The following CUL5 variants were observed in gnomAD, a reference collection of about 807,000 sequenced individuals.
CUL5 encodes the protein cullin-5.
Under a neutral mutation model 108.8 loss-of-function variants are expected in CUL5, and 26 were observed. The ratio of observed to expected loss-of-function variants is 0.24; its 90% CI spans 0.18 to 0.33. The LOEUF (loss-of-function observed/expected upper bound fraction) is 0.33. Among genes scored for constraint, CUL5 ranks in the 10% least tolerant of loss-of-function variants. The pLI, the probability that CUL5 is intolerant of heterozygous loss-of-function variation, is 1.00. For synonymous variants in CUL5, 334 were observed against 298.0 expected (o/e 1.12, Z -1.25); for missense variants, 524 against 909.2 (o/e 0.58, Z 5.45).
In CUL5 at chr11:108,073,422, A is replaced by G. The variant is rs1274038425; in HGVS notation, c.1038A>G (p.Thr346=). ...DSEKYVEQLL[T]LFNRFSKLVK... The stretch of plus-strand genomic sequence containing the variant: ...AGAAATACGTTGAGCAGTTACTTAC[A>G]CTATTTAATAGATTTAGTAAACTCG... Residue 346 remains threonine (T), a synonymous_variant, in exon 10 of 19, where the codon ACA becomes ACG. Coordinates refer to ENST00000393094, the MANE Select transcript of CUL5 (RefSeq NM_003478.6). 17 of 1,585,416 alleles carry G rather than the reference A, an allele frequency of 1.1e-5. No individual in the cohort carries two copies. The highest frequency in any genetic ancestry group is 1.5e-5 in the Non-Finnish European group (17 of 1,163,946).
At chr11:108,043,293 C>T (rs936091804) in intron 2 of CUL5, among the ~76,000 whole-genome samples, 5 of 152,138 alleles carry the variant, frequency 3.3e-5, no homozygotes, top group Non-Finnish European at 7.3e-5. Context: ...AGGCTAATCT[C>T]GAACTTCTGG....
chr11:108,042,982 C>A (rs529937299), intron 2 of CUL5, among the ~76,000 whole-genome samples: 1 of 152,120 alleles, frequency 6.6e-6, no homozygotes, highest in East Asian at 1.9e-4. Context: ...AGGTTGGTTG[C>A]GAACTCCTGG....
At chr11:108,015,844 TTAGAG>T (rs1385691591) in intron 1 of CUL5, among the ~76,000 whole-genome samples, 10 of 152,122 alleles carry the variant, frequency 6.6e-5, no homozygotes, top group Non-Finnish European at 1.5e-5. Context: ...TTTCAGTAGA[TTAGAG>T]GAGGGGAATT....
chr11:108,048,684 T>G (rs561066485), intron 3 of CUL5, among the ~76,000 whole-genome samples: 1 of 90,152 alleles, frequency 1.1e-5, no homozygotes, highest in South Asian at 3.9e-4. Flanking sequence ...TTTTTTTTTT[T>G]GAGGTGGATT....
intron 1 of CUL5, among the ~76,000 whole-genome samples, chr11:108,032,038 A>G (rs1383718993): frequency 6.6e-6 from 1 of 152,156 alleles, no homozygotes; most frequent in Non-Finnish European, 1.5e-5. Flanking sequence ...GGGTGGGAGG[A>G]GGGAGAGGAT....
At chr11:108,068,813 C>G (rs1368025453) in intron 7 of CUL5, among the ~76,000 whole-genome samples, 3 of 152,318 alleles carry the variant, frequency 2.0e-5, no homozygotes, top group East Asian at 1.9e-4. Flanking sequence ...TCCTAGAGCA[C>G]TAGACCCTTG....
rs1418426981 is a variant in CUL5 at position 108,106,197 on chromosome 11, T to G, written c.*1813T>G. 6.6e-6 allele frequency: 1 copy of G among 152,606 alleles called. No individual in the cohort carries two copies. Among genetic ancestry groups the G allele is most frequent in the Non-Finnish European group, 1.5e-5 (1 of 68,000 alleles). 9.5% of individuals were successfully genotyped at this position (152,606 alleles called of 1,614,324 possible). Reference sequence around the variant, plus strand: ...AATTTTGTAGTAATTGTGGCCCTTATGTTTAACAGATAATTCAGCATTGGC... The same window carrying G: ...AATTTTGTAGTAATTGTGGCCCTTAGGTTTAACAGATAATTCAGCATTGGC... On this transcript the variant is annotated 3_prime_UTR_variant, in exon 19 of 19. Transcript: ENST00000393094.
intron 2 of CUL5, among the ~76,000 whole-genome samples, chr11:108,039,124 A>T (rs1412889705): frequency 6.6e-6 from 1 of 151,924 alleles, no homozygotes; most frequent in Non-Finnish European, 1.5e-5. Flanking sequence ...AGGTTCAAGC[A>T]ATTCTCTTGC....
intron 8 of CUL5, among the ~76,000 whole-genome samples, chr11:108,071,059 T>G (rs574073044): frequency 2.4e-4 from 37 of 152,336 alleles, no homozygotes; most frequent in African/African-American, 7.0e-4. Flanking sequence ...TAAAATGGCA[T>G]AACATGAAAA....
At chr11:108,086,588 A>C (rs1446476162) in intron 11 of CUL5, among the ~76,000 whole-genome samples, 2 of 152,228 alleles carry the variant, frequency 1.3e-5, no homozygotes, top group Non-Finnish European at 2.9e-5. Flanking sequence ...AAGGGAATAC[A>C]GAAAGACTTC....
chr11:108,018,142 T>C (rs1412691592), intron 1 of CUL5, among the ~76,000 whole-genome samples: 1 of 152,118 alleles, frequency 6.6e-6, no homozygotes, highest in African/African-American at 2.4e-5. Flanking sequence ...TTAGGTTGGT[T>C]TGGGAGGCCT....
intron 3 of CUL5, among the ~76,000 whole-genome samples, chr11:108,049,301 G>A (rs1863151665): frequency 6.6e-6 from 1 of 150,882 alleles, no homozygotes; most frequent in Non-Finnish European, 1.5e-5. Flanking sequence ...CTATTGTTTG[G>A]ATATACCATA....
Position 108,054,761 on chromosome 11 carries a change from A to T in CUL5, c.668A>T (p.Gln223Leu), listed in dbSNP as rs749782953. 2 of 1,611,138 alleles carry T rather than the reference A, an allele frequency of 1.2e-6. No individual in the cohort carries two copies. Among genetic ancestry groups the T allele is most frequent in the Admixed American group, 1.7e-5 (1 of 59,734 alleles). ...FYRTQAPSYLQQNGVQNYMKY... is the reference protein window; with the variant it reads ...FYRTQAPSYLLQNGVQNYMKY... Reference sequence around the variant, plus strand: ...AGAACACAAGCACCCTCGTATTTACAACAAAATGGTGTACAGAATTATATG... The same window carrying T: ...AGAACACAAGCACCCTCGTATTTACTACAAAATGGTGTACAGAATTATATG... Residue 223 changes from glutamine to leucine, a missense_variant, in exon 6 of 19, where the codon CAA becomes CTA. By Grantham distance (113) the Gln-to-Leu change is moderately radical. Coordinates refer to ENST00000393094, the MANE Select transcript of CUL5 (RefSeq NM_003478.6).
At chr11:108,020,106 A>T (rs1282202016) in intron 1 of CUL5, among the ~76,000 whole-genome samples, 1 of 152,194 alleles carries the variant, frequency 6.6e-6, no homozygotes, top group Non-Finnish European at 1.5e-5. Context: ...CATTAGGCCC[A>T]CTTACAACAT....
At chr11:108,101,313 T>C (rs753362071) in intron 18 of CUL5, among the ~76,000 whole-genome samples, 17 of 152,224 alleles carry the variant, frequency 1.1e-4, no homozygotes, top group Non-Finnish European at 1.9e-4. Context: ...GTTATGACAG[T>C]GTCCTGGATT....
intron 2 of CUL5, among the ~76,000 whole-genome samples, chr11:108,045,768 G>C (rs753998146): frequency 2.4e-4 from 37 of 152,174 alleles, no homozygotes; most frequent in Non-Finnish European, 1.2e-4. Context: ...GCTGAGGAGG[G>C]AGGATCGCCT....
chr11:108,069,540 GT>G (rs377700822), intron 7 of CUL5, among the ~76,000 whole-genome samples: 1 of 151,580 alleles, frequency 6.6e-6, no homozygotes, highest in Non-Finnish European at 1.5e-5. Context: ...TAGTTTCTAA[GT>G]TTTTTTTTAT....
Position 108,072,351 on chromosome 11 carries a change from A to G in CUL5, c.894A>G (p.Ser298=). Reference sequence around the variant, plus strand: ...TTCCAGAATTACATTTAATGTTTTCATTGATGGACAAAGTTCCTAATGGTA... The same window carrying G: ...TTCCAGAATTACATTTAATGTTTTCGTTGATGGACAAAGTTCCTAATGGTA... The part of the protein sequence containing the change: ...NETEKLHLMF[S]LMDKVPNGIE... The change falls in exon 9 of 19, where the codon TCA becomes TCG. Residue 298 remains serine (S), a synonymous_variant. Coordinates refer to ENST00000393094, the MANE Select transcript of CUL5 (RefSeq NM_003478.6). 6.2e-7 allele frequency: 1 copy of G among 1,606,474 alleles called. No individual in the cohort carries two copies. The highest frequency in any genetic ancestry group is 1.3e-5 in the African/African-American group (1 of 74,810).
rs770497169 is a variant in CUL5 at position 108,098,492 on chromosome 11, A to G, written c.2111A>G (p.Asn704Ser). ...ACAGAAAGGATGAGAGAAGAAGAGA[A>G]TGAAGGAATAGTTCAACTACGAATA... ...LTTERMREEENEGIVQLRILR... is the reference protein window; with the variant it reads ...LTTERMREEESEGIVQLRILR... The change falls in exon 18 of 19, where the codon AAT becomes AGT. Residue 704 changes from asparagine (N) to serine (S), a missense_variant. Around this residue, in one of 8 missense-constraint regions of CUL5, gnomAD observed 66 missense variants for 81.4 expected, o/e 0.81. Transcript: ENST00000393094. 23 of 1,594,084 alleles carry G rather than the reference A, an allele frequency of 1.4e-5. No individual in the cohort carries two copies. Among genetic ancestry groups the G allele is most frequent in the Non-Finnish European group, 2.6e-6 (3 of 1,170,504 alleles).
Sources: gnomAD v4.1 joint callset for allele counts (sites outside exome capture counted in the v4.1 genomes callset) on GRCh38, gnomAD v4.1.1 for gene constraint, gnomAD v4.1.1 regional missense constraint, MANE v1.5 for transcripts, NCBI Gene and HGNC (gene_info 2026-07-23, HGNC 2026-07-21) for gene names.